The following TMEM59 variants were observed in gnomAD, a reference collection of about 807,000 sequenced individuals.
TMEM59 encodes transmembrane protein 59.
A neutral mutation model predicts 42.2 loss-of-function variants in TMEM59; 44 were observed. That is an observed-to-expected ratio of 1.04 (90% CI 0.82 to 1.34). The LOEUF (loss-of-function observed/expected upper bound fraction) is 1.34. TMEM59 is among the 40% of genes most tolerant of loss of function. TMEM59 has a pLI of 0.00. For synonymous variants in TMEM59, 148 were observed against 145.8 expected, an observed-to-expected ratio of 1.02 and a Z score of -0.11; for missense variants, 359 against 382.8, an observed-to-expected ratio of 0.94 and a Z score of 0.52.
At chr1:54,040,946 G>T in intron 5 of TMEM59, 109 bp from the exon 6 acceptor site, 1 of 812,138 alleles carries the variant, frequency 1.2e-6, no homozygotes, top group Non-Finnish European at 2.0e-6. Context: ...GTTTTTGTTT[G>T]TGTCATCTGA....
intron 6 of TMEM59, 77 bp from the exon 7 acceptor site, chr1:54,036,795 G>A (rs1202534349): frequency 2.8e-5 from 27 of 963,204 alleles, no homozygotes; most frequent in Admixed American, 8.0e-5. Flanking sequence ...TCAACCTTAT[G>A]TACTTAGCTC....
At chr1:54,050,748 G>T (rs375833999) in intron 1 of TMEM59, among the ~76,000 whole-genome samples, 9 of 151,828 alleles carry the variant, frequency 5.9e-5, no homozygotes, top group East Asian at 5.8e-4. Context: ...TTTTAGTAGA[G>T]ACAGGGTTTC....
intron 3 of TMEM59, chr1:54,045,394 C>A: frequency 3.1e-6 from 1 of 327,206 alleles, no homozygotes; most frequent in South Asian, 7.4e-5. Context: ...AGAAAAAGAA[C>A]TCTGAAATAA....
chr1:54,047,359 T>C lies in TMEM59; in HGVS notation c.203A>G (p.Tyr68Cys). Reference sequence around the variant, plus strand: ...CAGCCTGCAACCTCTCTGACATGCGTACAACTCCTCTTCCTAGGGAGTTCA... The same window carrying C: ...CAGCCTGCAACCTCTCTGACATGCGCACAACTCCTCTTCCTAGGGAGTTCA... The part of the protein sequence containing the change: ...LHTYPKEEEL[Y>C]ACQRGCRLFS... The change falls in exon 2 of 8, where the codon TAC becomes TGC. Residue 68 changes from tyrosine to cysteine, a missense_variant. Tyr to Cys is a radical substitution (Grantham distance 194). Transcript: ENST00000234831. 1 of 1,613,526 alleles carries C rather than the reference T, an allele frequency of 6.2e-7. No individual in the cohort carries two copies. The highest frequency in any genetic ancestry group is 8.5e-7 in the Non-Finnish European group (1 of 1,179,838).
intron 1 of TMEM59, among the ~76,000 whole-genome samples, chr1:54,048,390 T>G (rs1337106363): frequency 6.6e-6 from 1 of 152,222 alleles, no homozygotes; most frequent in African/African-American, 2.4e-5. Context: ...CTCAATAATT[T>G]GGAAGCTATT....
chr1:54,050,210 C>G (rs370527975), intron 1 of TMEM59, among the ~76,000 whole-genome samples: 32 of 151,916 alleles, frequency 2.1e-4, no homozygotes, highest in African/African-American at 7.2e-4. Flanking sequence ...ACTGCAACCT[C>G]CACCGCCCGG....
chr1:54,050,413 G>C (rs961547394), intron 1 of TMEM59, among the ~76,000 whole-genome samples: 1 of 152,018 alleles, frequency 6.6e-6, no homozygotes, highest in Non-Finnish European at 1.5e-5. Context: ...GTGAGCCACC[G>C]CGCCCAGCCT....
intron 3 of TMEM59, chr1:54,044,976 G>GT (rs1445386162): frequency 1.3e-5 from 2 of 152,198 alleles, no homozygotes; most frequent in African/African-American, 4.8e-5. Context: ...AGAGACAGGA[G>GT]TGGGAGACTT....
chr1:54,048,849 G>A (rs1043990716), intron 1 of TMEM59, among the ~76,000 whole-genome samples: 5 of 152,186 alleles, frequency 3.3e-5, no homozygotes, highest in Non-Finnish European at 5.9e-5. Flanking sequence ...CAACTTTGAA[G>A]GTAGCACACT....
rs749811964 is a variant in TMEM59, at chr1:54,032,271, T to C, written c.851A>G (p.Asn284Ser). Residue 284 changes from asparagine to serine, a missense_variant, in exon 8 of 8, where the codon AAT becomes AGT. By Grantham distance (46) the Asn-to-Ser change is conservative (BLOSUM62 1). Coordinates refer to ENST00000234831, the MANE Select transcript of TMEM59 (RefSeq NM_004872.5). ...LSIYGDLEFMNEQKLNRYPAS... is the reference protein window; with the variant it reads ...LSIYGDLEFMSEQKLNRYPAS... ...TGGATATCTGTTTAGCTTTTGTTCA[T>C]TCATAAACTCCAAGTCACCATAGAT... is the stretch of plus-strand genomic sequence containing the variant. 2.5e-6 allele frequency: 4 copies of C among 1,610,666 alleles called. No homozygotes were observed. The highest frequency in any genetic ancestry group is 1.7e-6 in the Non-Finnish European group (2 of 1,177,996).
intron 4 of TMEM59, among the ~76,000 whole-genome samples, chr1:54,042,403 G>A (rs190368827): frequency 1.2e-4 from 18 of 152,252 alleles, no homozygotes; most frequent in South Asian, 6.2e-4. Context: ...GAATGAATGA[G>A]GGCTTCACTC....
intron 1 of TMEM59, 118 bp from the exon 2 acceptor site, chr1:54,047,490 C>T: frequency 1.3e-6 from 1 of 785,056 alleles, no homozygotes; most frequent in Non-Finnish European, 2.1e-6. Flanking sequence ...CAGTAAGTTT[C>T]ATAACTGAAA....
intron 5 of TMEM59, among the ~76,000 whole-genome samples, chr1:54,041,068 C>G (rs1024795693): frequency 6.6e-6 from 1 of 152,158 alleles, no homozygotes; most frequent in Non-Finnish European, 1.5e-5. Context: ...TTGATGCTTT[C>G]TGCTTAATTA....
chr1:54,051,864 A>C (rs1657552489), intron 1 of TMEM59, among the ~76,000 whole-genome samples: 2 of 152,214 alleles, frequency 1.3e-5, no homozygotes, highest in Non-Finnish European at 2.9e-5. Context: ...GAAAATTGAT[A>C]ATCTCCATGC....
In TMEM59 at chr1:54,036,613, A is replaced by C; in HGVS notation, c.813T>G (p.Ser271=). Residue 271 remains serine (S), a synonymous_variant, in exon 7 of 8, where the codon TCT becomes TCG. Transcript: ENST00000234831. The part of the protein sequence containing the change: ...VATAVEQYVP[S]EKLSIYGDLE... Reference sequence around the variant, plus strand: ...AAATGGTAAGAATTAAATTTACCTCAGAGGGAACATACTGCTCCACAGCTG... The same window carrying C: ...AAATGGTAAGAATTAAATTTACCTCCGAGGGAACATACTGCTCCACAGCTG... 6.3e-7 allele frequency: 1 copy of C among 1,596,936 alleles called. No homozygotes were observed. Among genetic ancestry groups the C allele is most frequent in the Non-Finnish European group, 8.5e-7 (1 of 1,172,350 alleles).
chr1:54,048,821 T>C, intron 1 of TMEM59: 1 of 202,382 alleles, frequency 4.9e-6, no homozygotes, highest in South Asian at 8.0e-5. Context: ...AGTCTAATAT[T>C]AAATATACTT....
At chr1:54,045,614 G>A (rs1291877390) in intron 3 of TMEM59, 78 bp downstream of exon 3, 2 of 1,349,426 alleles carry the variant, frequency 1.5e-6, no homozygotes, top group Non-Finnish European at 1.1e-6. Flanking sequence ...ATAGGATCAA[G>A]TGGGTGATAA....
At chr1:54,038,956 C>T (rs1441515466) in intron 6 of TMEM59, among the ~76,000 whole-genome samples, 1 of 152,170 alleles carries the variant, frequency 6.6e-6, no homozygotes, top group Non-Finnish European at 1.5e-5. Context: ...GTGATTCTCC[C>T]ACCTCAGCCT....
intron 4 of TMEM59, 95 bp from the exon 5 acceptor site, chr1:54,041,900 T>C (rs1657149342): frequency 9.3e-6 from 9 of 963,006 alleles, no homozygotes; most frequent in Non-Finnish European, 1.4e-5. Context: ...AACATTTAAA[T>C]TGAGAAAAAG....
Sources: allele counts gnomAD v4.1 joint callset (sites outside exome capture counted in the v4.1 genomes callset), GRCh38; gene constraint gnomAD v4.1.1; transcripts MANE v1.5; gene names NCBI Gene and HGNC (gene_info 2026-07-23, HGNC 2026-07-21).